The following AP3B2 variants were observed in gnomAD, a reference collection of about 807,000 sequenced individuals.
AP3B2 encodes the protein AP-3 complex subunit beta-2.
In AP3B2, 50 loss-of-function variants were observed where a neutral mutation model predicts 126.9. The observed-to-expected ratio is 0.39, with a 90% CI of 0.31 to 0.50. The LOEUF is 0.50. Among genes scored for constraint, AP3B2 ranks in the 20% least tolerant of loss-of-function variants. AP3B2 has a pLI of 0.79. For synonymous variants in AP3B2, 541 were observed against 565.0 expected (o/e 0.96, Z 0.60); for missense variants, 1,177 against 1,426.4 (o/e 0.83, Z 2.82).
In AP3B2 at chr15:82,665,235, C is replaced by T. The variant is rs537641160; in HGVS notation, c.2028+12G>A. ...GGCAGGGGAGAGAGCACACGTCACA[C>T]GAAGGTGGGACCTCAGTGTATTCGC... On this transcript the variant is annotated intron_variant, in intron 17 of 26. Coordinates refer to ENST00000535359, the MANE Select transcript of AP3B2 (RefSeq NM_001278512.2). This position sits in a 1 kb window ranked among gnomAD's most constrained non-coding sequence, Gnocchi z 4.4. 17 of 1,537,684 alleles carry T rather than the reference C, an allele frequency of 1.1e-5. No homozygotes were observed. The South Asian group carries it at 1.4e-4, about 13-fold the overall frequency.
At chr15:82,684,224 A>G (rs572033779) in intron 4 of AP3B2, among the ~76,000 whole-genome samples, 2 of 152,350 alleles carry the variant, frequency 1.3e-5, no homozygotes, top group East Asian at 3.9e-4. Flanking sequence ...AGGCTGTTTC[A>G]TTTACATTGA....
intron 1 of AP3B2, among the ~76,000 whole-genome samples, chr15:82,694,502 T>C (rs776694801): frequency 6.6e-6 from 1 of 151,532 alleles, no homozygotes; most frequent in African/African-American, 2.4e-5. Flanking sequence ...CTGGACAACA[T>C]AGTCAGATCC....
chr15:82,675,526 T>G (rs1204261706), intron 14 of AP3B2, among the ~76,000 whole-genome samples: 1 of 152,226 alleles, frequency 6.6e-6, no homozygotes, highest in African/African-American at 2.4e-5. Flanking sequence ...GCTATAAATC[T>G]GTAGACCCCA....
intron 1 of AP3B2, among the ~76,000 whole-genome samples, chr15:82,700,873 T>C (rs2048710516): frequency 6.6e-6 from 1 of 151,826 alleles, no homozygotes; most frequent in Admixed American, 6.6e-5. Flanking sequence ...CTTATTTATT[T>C]ATTTAGAGAT....
In AP3B2 at chr15:82,699,530, A is replaced by G. The variant is rs531780811; in HGVS notation, c.113+10064T>C. ...ACCCTAAATGCCAGCCTAAGCCTCC[A>G]TCAGAGGAGGTGGGACCGGAAGAGG... On this transcript the variant is annotated intron_variant, in intron 1 of 26. Transcript: ENST00000535359. 56 of 398,724 alleles carry G rather than the reference A, an allele frequency of 1.4e-4. No homozygotes were observed. In the East Asian group the frequency reaches 1.9e-3, roughly 13 times the overall value. 24.7% of individuals were successfully genotyped at this position (398,724 alleles called of 1,614,324 possible). A position where few individuals can be genotyped will look rare whatever the true frequency, so the allele number is the denominator to read the frequency against.
At position 82,664,802 on chromosome 15, in the gene AP3B2, G is replaced by T; in HGVS notation, c.2137+33C>A. 6.7e-7 allele frequency: 1 copy of T among 1,492,322 alleles called. No individual in the cohort carries two copies. 92.4% of individuals were successfully genotyped at this position (1,492,322 alleles called of 1,614,324 possible). A position where few individuals can be genotyped will look rare whatever the true frequency, so the allele number is the denominator to read the frequency against. ...TCAGTCACACAGATGCATGGGCAGA[G>T]CACAGAGGACCCCAGCTCTGCCATC... On this transcript the variant is annotated intron_variant, in intron 18 of 26. Transcript: ENST00000535359. This position sits in a 1 kb window ranked among gnomAD's most constrained non-coding sequence, Gnocchi z 4.5.
At chr15:82,663,661 C>T in intron 20 of AP3B2, 41 bp from the exon 21 acceptor site, 1 of 1,613,106 alleles carries the variant, frequency 6.2e-7, no homozygotes, top group Non-Finnish European at 8.5e-7. Flanking sequence ...GGAAGGGGAG[C>T]ACCTTGGCAT....
intron 11 of AP3B2, 78 bp downstream of exon 11, chr15:82,678,027 G>A: frequency 6.6e-7 from 1 of 1,519,498 alleles, no homozygotes; most frequent in Admixed American, 1.8e-5. Context: ...GGGCTCATAA[G>A]AGGAGGTTTA....
chr15:82,671,234 G>C (rs1228484167), intron 14 of AP3B2, among the ~76,000 whole-genome samples: 3 of 152,166 alleles, frequency 2.0e-5, no homozygotes, highest in Non-Finnish European at 4.4e-5. Flanking sequence ...AGTGAGCCAA[G>C]ATCGCACCAC....
At chr15:82,661,141 A>G (rs1452176328) in intron 25 of AP3B2, among the ~76,000 whole-genome samples, 2 of 151,984 alleles carry the variant, frequency 1.3e-5, no homozygotes, top group Non-Finnish European at 2.9e-5. Flanking sequence ...TTTTCCCCCA[A>G]GGTTCTGTCC....
At position 82,677,389 on chromosome 15, in the gene AP3B2, G is replaced by A; in HGVS notation, c.1379-6C>T. The A allele has an allele frequency of 6.2e-7, 1 of 1,612,036 alleles. No individual in the cohort carries two copies. Among genetic ancestry groups the A allele is most frequent in the African/African-American group, 1.3e-5 (1 of 75,020 alleles). On this transcript the variant is annotated splice_region_variant and splice_polypyrimidine_tract_variant and intron_variant, in intron 12 of 26. Transcript: ENST00000535359. Reference sequence around the variant, plus strand: ...TGACTCTGCAACCACAAGCTCTACAGAACAAAAATGAGTGTGTGGACCCCA... The same window carrying A: ...TGACTCTGCAACCACAAGCTCTACAAAACAAAAATGAGTGTGTGGACCCCA...
intron 1 of AP3B2, among the ~76,000 whole-genome samples, chr15:82,702,889 C>G (rs1205838066): frequency 6.6e-6 from 1 of 152,132 alleles, no homozygotes; most frequent in African/African-American, 2.4e-5. Flanking sequence ...CTCAGACCAA[C>G]CAGCCTGAGG....
intron 1 of AP3B2, among the ~76,000 whole-genome samples, chr15:82,694,401 A>T (rs2048601253): frequency 6.7e-6 from 1 of 148,452 alleles, no homozygotes; most frequent in Admixed American, 6.7e-5. Flanking sequence ...ACAAAGAACC[A>T]CAGGCCAGGC....
At chr15:82,703,163 A>G (rs1384545493) in intron 1 of AP3B2, among the ~76,000 whole-genome samples, 1 of 152,086 alleles carries the variant, frequency 6.6e-6, no homozygotes, top group Non-Finnish European at 1.5e-5. Flanking sequence ...CTGCTTGATT[A>G]TTCACCCACG....
At chr15:82,677,142 T>C in intron 13 of AP3B2, 132 bp downstream of exon 13, 1 of 770,232 alleles carries the variant, frequency 1.3e-6, no homozygotes, top group Non-Finnish European at 2.2e-6. Context: ...TGGTCCAGTG[T>C]CTCTGCTCCT....
Position 82,665,684 on chromosome 15 carries a change from G to A in AP3B2, c.1853-109C>T, listed in dbSNP as rs1177224604. 20 of 799,888 alleles carry A rather than the reference G, an allele frequency of 2.5e-5. No individual in the cohort carries two copies. Among genetic ancestry groups the A allele is most frequent in the Non-Finnish European group, 3.8e-5 (18 of 477,048 alleles). The allele number at this position is 799,888 out of a possible 1,614,324, so 49.5% of individuals were successfully genotyped here. On this transcript the variant is annotated intron_variant, in intron 15 of 26. Coordinates refer to ENST00000535359, the MANE Select transcript of AP3B2 (RefSeq NM_001278512.2). The surrounding 1 kb of genome is among the most constrained non-coding windows in gnomAD (Gnocchi z 4.4). The stretch of plus-strand genomic sequence containing the variant: ...ATTCTGGTTGGGACTTCCCAGGTGG[G>A]TAGGGGAAGGAGATGGATGTGTGCC...
intron 1 of AP3B2, among the ~76,000 whole-genome samples, chr15:82,708,054 A>C (rs2048824467): frequency 6.6e-6 from 1 of 152,206 alleles, no homozygotes; most frequent in South Asian, 2.1e-4. Context: ...AAGCTAAGCC[A>C]TGATATCCCC....
chr15:82,699,645 G>A (rs1053735072), intron 1 of AP3B2: 10 of 397,206 alleles, frequency 2.5e-5, no homozygotes, highest in African/African-American at 2.2e-4. Context: ...GTAGTGGCTG[G>A]CTCTGGCTCT....
Position 82,698,450 on chromosome 15 carries a change from C to A in AP3B2, c.114-8997G>T, listed in dbSNP as rs116243608. Among the ~76,000 whole-genome samples the A allele has an allele frequency of 7.4e-3, 1,127 of 151,934 alleles. 12 individuals are homozygous for A. Among genetic ancestry groups the A allele is most frequent in the Non-Finnish European group, 8.4e-3 (570 of 67,942 alleles). ...CACAAGACCTCTCCCCGCTCCCCCA[C>A]ACCCTCATAGAGACACACACACCCC... On this transcript the variant is annotated intron_variant, in intron 1 of 26. Transcript: ENST00000535359.
Sources: gnomAD v4.1 joint callset for allele counts (sites outside exome capture counted in the v4.1 genomes callset) on GRCh38, gnomAD v4.1.1 for gene constraint, Gnocchi (gnomAD v3.1) non-coding constraint, MANE v1.5 for transcripts, NCBI Gene and HGNC (gene_info 2026-07-23, HGNC 2026-07-21) for gene names.